C10orf143: variants seen among roughly 807,000 people sequenced by gnomAD.
The protein encoded by C10orf143 is chromosome 10 open reading frame 143, also known as uncharacterized protein C10orf143.
At chr10:130,101,865 C>CAAAAAAAAAAAAAAAA (rs1267433489) in intron 1 of C10orf143, among the ~76,000 whole-genome samples, 4 of 47,728 alleles carry the variant, frequency 8.4e-5, no homozygotes, top group African/African-American at 2.6e-4. Context: ...AAAAAAAAAC[C>CAAAAAAAAAAAAAAAA]AAAAAAAAAA....
At chr10:130,035,405 T>G (rs956663428) in intron 4 of C10orf143, among the ~76,000 whole-genome samples, 3 of 152,138 alleles carry the variant, frequency 2.0e-5, no homozygotes, top group East Asian at 1.9e-4. Context: ...ATACCCACAT[T>G]CTGATTTACT....
chr10:130,091,955 G>A (rs1169225622), intron 1 of C10orf143, among the ~76,000 whole-genome samples: 1 of 152,204 alleles, frequency 6.6e-6, no homozygotes, highest in Non-Finnish European at 1.5e-5. Flanking sequence ...GTACCTGAAA[G>A]TGACAGGGAG....
At chr10:130,045,028 C>T (rs923531243) in intron 3 of C10orf143, among the ~76,000 whole-genome samples, 1 of 152,188 alleles carries the variant, frequency 6.6e-6, no homozygotes, top group African/African-American at 2.4e-5. Context: ...GCCTCCCTAC[C>T]GGCCCCTCCT....
chr10:130,058,875 A>T (rs1275904844), intron 3 of C10orf143, among the ~76,000 whole-genome samples: 1 of 152,146 alleles, frequency 6.6e-6, no homozygotes, highest in Non-Finnish European at 1.5e-5. Flanking sequence ...ATGCAGGTGT[A>T]CTAGACCTGG....
intron 3 of C10orf143, among the ~76,000 whole-genome samples, chr10:130,074,761 T>TA (rs1233596903): frequency 5.3e-5 from 8 of 152,112 alleles, no homozygotes; most frequent in Non-Finnish European, 1.2e-4. Flanking sequence ...CATTTGGAGA[T>TA]AAAAAGAAAT....
chr10:130,108,036 C>A, intron 1 of C10orf143: 1 of 1,486,458 alleles, frequency 6.7e-7, no homozygotes, highest in Non-Finnish European at 9.4e-7. Flanking sequence ...AGAAATGACA[C>A]CAAAGATGAT....
chr10:130,042,464 G>T (rs1015928501), intron 3 of C10orf143, among the ~76,000 whole-genome samples: 1 of 152,218 alleles, frequency 6.6e-6, no homozygotes, highest in African/African-American at 2.4e-5. Flanking sequence ...TTTCTCAAAC[G>T]GTCTCAGTCC....
intron 1 of C10orf143, chr10:130,107,497 A>G (rs764772907): frequency 7.1e-7 from 1 of 1,399,222 alleles, no homozygotes; most frequent in East Asian, 2.3e-5. Context: ...ACAACAGACA[A>G]AAATTAGCTG....
intron 3 of C10orf143, among the ~76,000 whole-genome samples, chr10:130,038,962 T>A (rs188804528): frequency 4.7e-4 from 71 of 152,226 alleles, no homozygotes; most frequent in African/African-American, 1.6e-3. Context: ...TGACTGATAA[T>A]GTGTGGAGCC....
chr10:130,063,412 C>T (rs554451057), downstream of C10orf143, among the ~76,000 whole-genome samples: 4 of 152,326 alleles, frequency 2.6e-5, no homozygotes, highest in Non-Finnish European at 4.4e-5. Flanking sequence ...CCCTCTTTCC[C>T]GGCTTTGGTT....
chr10:130,077,468 C>T (rs1328466873), intron 3 of C10orf143, among the ~76,000 whole-genome samples: 5 of 152,314 alleles, frequency 3.3e-5, no homozygotes, highest in South Asian at 2.1e-4. Context: ...TGTAAGTTTC[C>T]CATTAGGAAT....
At chr10:130,097,459 G>A (rs568122432) in intron 1 of C10orf143, among the ~76,000 whole-genome samples, 1 of 152,296 alleles carries the variant, frequency 6.6e-6, no homozygotes, top group East Asian at 1.9e-4. Context: ...ATATGAAGAT[G>A]TGGACAAAAT....
At chr10:130,108,210 C>CA (rs1265711201) in intron 1 of C10orf143, 1 of 1,548,740 alleles carries the variant, frequency 6.5e-7, no homozygotes, top group East Asian at 2.3e-5. Flanking sequence ...CCACCTCCTC[C>CA]AGGAACCAGG....
intron 1 of C10orf143, among the ~76,000 whole-genome samples, chr10:130,093,795 G>A (rs970167519): frequency 6.6e-5 from 10 of 151,922 alleles, no homozygotes; most frequent in East Asian, 1.9e-4. Flanking sequence ...GGCGGATCAC[G>A]AGGTCAGATT....
chr10:130,049,635 G>A lies in C10orf143; in HGVS notation c.298-13665C>T, dbSNP rs560271470. ...GGGTCCTGATAAGGGAACCTACAGG[G>A]GTTTTGGGTTCACGCTGTGGCCAAC... On this transcript the variant is annotated intron_variant and NMD_transcript_variant, in intron 3 of 5. Coordinates refer to the C10orf143 transcript ENST00000643056. Among the ~76,000 whole-genome samples, 38 of 152,300 alleles carry A rather than the reference G, an allele frequency of 2.5e-4. No homozygotes were observed. In the South Asian group the frequency reaches 5.8e-3, roughly 23 times the overall value.
rs1860894755 is a variant in C10orf143, at chr10:130,064,350, T to A, written c.*4A>T. 1 of 398,502 alleles carries A rather than the reference T, an allele frequency of 2.5e-6. No individual in the cohort carries two copies. Among genetic ancestry groups the A allele is most frequent in the South Asian group, 1.3e-4 (1 of 7,866 alleles). 24.7% of individuals were successfully genotyped at this position (398,502 alleles called of 1,614,324 possible). On this transcript the variant is annotated 3_prime_UTR_variant, in exon 4 of 4. Coordinates refer to ENST00000637128, the MANE Select transcript of C10orf143 (RefSeq NM_001355042.2). ...GGGACCTTCTTTTTTCCAGCTTGCATCTTCTAATGATTCTTGGTATGGCTA... is the reference window on the plus strand; with the variant it reads ...GGGACCTTCTTTTTTCCAGCTTGCAACTTCTAATGATTCTTGGTATGGCTA...
Position 130,063,965 on chromosome 10 carries a change from C to T in C10orf143, c.*389G>A, listed in dbSNP as rs543450262. On this transcript the variant is annotated 3_prime_UTR_variant, in exon 4 of 4. Transcript: ENST00000637128. ...AGCCCTGGGTACATCCACAAAACAA[C>T]GAAAAAGCATGATGGCGGGGCTGCG... 12 of 175,288 alleles carry T rather than the reference C, an allele frequency of 6.8e-5. No homozygotes were observed. The highest frequency in any genetic ancestry group is 2.0e-4 in the South Asian group (1 of 5,002). The allele number at this position is 175,288 out of a possible 1,614,324, so 10.9% of individuals were successfully genotyped here.
At chr10:130,101,874 A>AAC (rs1554950040) in intron 1 of C10orf143, among the ~76,000 whole-genome samples, 14 of 141,280 alleles carry the variant, frequency 9.9e-5, no homozygotes, top group African/African-American at 2.7e-4. Flanking sequence ...CCAAAAAAAA[A>AAC]AAAAAAAAAA....
intron 3 of C10orf143, among the ~76,000 whole-genome samples, chr10:130,036,841 A>G (rs1860550298): frequency 6.7e-6 from 1 of 149,314 alleles, no homozygotes. Context: ...GCAGGTGGGC[A>G]GGGTATGGGC....
Sources: allele counts gnomAD v4.1 joint callset (sites outside exome capture counted in the v4.1 genomes callset), GRCh38; gene constraint gnomAD v4.1.1; transcripts MANE v1.5; gene names NCBI Gene and HGNC (gene_info 2026-07-23, HGNC 2026-07-21).